The following PSPH variants were observed in gnomAD, a reference collection of about 807,000 sequenced individuals.
The protein encoded by PSPH is phosphoserine phosphatase, also known as L-3-phosphoserine phosphatase.
PSPH carries 16 observed loss-of-function variants against 23.4 expected under a neutral mutation model. The ratio of observed to expected loss-of-function variants is 0.68; its 90% CI spans 0.46 to 1.04. The LOEUF (loss-of-function observed/expected upper bound fraction) is 1.04, where lower values mean the gene tolerates loss of function less well. Among genes scored for constraint, PSPH ranks in the 50% least tolerant of loss-of-function variants. The pLI is 0.00. For synonymous variants in PSPH, 68 were observed against 99.7 expected (o/e 0.68, Z 1.89); for missense variants, 223 against 273.7 (o/e 0.81, Z 1.31).
intron 2 of PSPH, among the ~76,000 whole-genome samples, chr7:56,032,382 C>T (rs376007608): frequency 2.8e-4 from 42 of 152,058 alleles, no homozygotes; most frequent in African/African-American, 8.0e-4. Context: ...CAGACTTGGG[C>T]GGGCATGATG....
At chr7:56,019,246 TGTG>T (rs1289803044) in intron 5 of PSPH, among the ~76,000 whole-genome samples, 5 of 151,826 alleles carry the variant, frequency 3.3e-5, no homozygotes, top group African/African-American at 4.8e-5. Context: ...GTTCAAGCAG[TGTG>T]GTCAACATGG....
rs199851385 is a variant in PSPH at position 56,021,096 on chromosome 7, G to C, written c.117C>G (p.Gly39=). 2.0e-6 allele frequency: 3 copies of C among 1,531,364 alleles called. No individual in the cohort carries two copies. Among genetic ancestry groups the C allele is most frequent in the Non-Finnish European group, 2.6e-6 (3 of 1,135,618 alleles). The allele number at this position is 1,531,364 out of a possible 1,614,324, so 94.9% of individuals were successfully genotyped here. The change falls in exon 4 of 8, where the codon GGC becomes GGG. Residue 39 remains glycine, a synonymous_variant. Coordinates refer to ENST00000275605, the MANE Select transcript of PSPH (RefSeq NM_004577.4). ...EGIDELAKIC[G]VEDAVSEMTR... is the part of the protein sequence containing the mutation. ...ACATTTCTGACACCGCGTCCTCAAC[G>C]CCACAGATTTTGGCTAGCTCATCGA...
intron 7 of PSPH, among the ~76,000 whole-genome samples, chr7:56,013,025 T>C (rs542455187): frequency 2.1e-4 from 31 of 149,766 alleles, no homozygotes; most frequent in African/African-American, 7.3e-4. Flanking sequence ...TACACACATA[T>C]ACTATATATG....
intron 1 of PSPH, among the ~76,000 whole-genome samples, chr7:56,050,213 A>C (rs1163543725): frequency 6.6e-6 from 1 of 152,178 alleles, no homozygotes; most frequent in Non-Finnish European, 1.5e-5. Context: ...TATTCACTGC[A>C]GTCTGAATAG....
intron 6 of PSPH, among the ~76,000 whole-genome samples, chr7:56,016,495 C>G (rs1788581779): frequency 6.6e-6 from 1 of 151,520 alleles, no homozygotes; most frequent in Non-Finnish European, 1.5e-5. Context: ...CGCTATGGAC[C>G]AGAGAGGGGA....
At chr7:56,048,923 G>C (rs1793605326) in intron 1 of PSPH, among the ~76,000 whole-genome samples, 1 of 151,300 alleles carries the variant, frequency 6.6e-6, no homozygotes, top group Non-Finnish European at 1.5e-5. Context: ...TTTTTTGGTG[G>C]TTGTTTTTTT....
intron 3 of PSPH, among the ~76,000 whole-genome samples, chr7:56,030,583 T>C (rs1790842035): frequency 1.3e-5 from 2 of 151,910 alleles, no homozygotes; most frequent in Non-Finnish European, 1.5e-5. Context: ...ACTGGGTACA[T>C]GAGGATACAA....
intron 1 of PSPH, among the ~76,000 whole-genome samples, chr7:56,039,788 A>T (rs950961289): frequency 6.7e-5 from 10 of 150,042 alleles, no homozygotes; most frequent in African/African-American, 2.2e-4. Context: ...AAAAAAAAAA[A>T]AAAAATTAAA....
intron 3 of PSPH, among the ~76,000 whole-genome samples, chr7:56,030,629 T>C (rs1437178181): frequency 6.6e-6 from 1 of 152,046 alleles, no homozygotes; most frequent in Admixed American, 6.6e-5. Flanking sequence ...CCAGGTGCGG[T>C]GGCTCACAGC....
At chr7:56,028,162 A>G (rs994071573) in intron 3 of PSPH, among the ~76,000 whole-genome samples, 1 of 152,090 alleles carries the variant, frequency 6.6e-6, no homozygotes, top group African/African-American at 2.4e-5. Context: ...GGCCTGACTT[A>G]CAGCTCAGAA....
At position 56,017,242 on chromosome 7, in the gene PSPH, T is replaced by C; in HGVS notation, c.413A>G (p.Tyr138Cys). The C allele has an allele frequency of 6.2e-7, 1 of 1,613,828 alleles. No homozygotes were observed. The highest frequency in any genetic ancestry group is 2.2e-5 in the East Asian group (1 of 44,876). Residue 138 changes from tyrosine (Y) to cysteine (C), a missense_variant, in exon 6 of 8, where the codon TAC becomes TGC. Tyr to Cys is a radical substitution (Grantham distance 194). Coordinates refer to ENST00000275605, the MANE Select transcript of PSPH (RefSeq NM_004577.4). ...TACTGTTAACATCTTACCGTTAAAG[T>C]AGAATTTCAGCCTATTGGCAAATAC... ...TNVFANRLKF[Y>C]FNGEYAGFDE...
intron 5 of PSPH, among the ~76,000 whole-genome samples, chr7:56,018,288 G>C (rs957542934): frequency 1.3e-5 from 2 of 152,042 alleles, no homozygotes; most frequent in Non-Finnish European, 2.9e-5. Flanking sequence ...AGGTTGCAGT[G>C]AGCCGAGACT....
intron 1 of PSPH, among the ~76,000 whole-genome samples, chr7:56,040,905 T>A (rs1347102846): frequency 2.6e-5 from 4 of 151,944 alleles, no homozygotes; most frequent in Admixed American, 2.6e-4. Flanking sequence ...CAAGCCTCAA[T>A]CAAGCAGAAA....
intron 5 of PSPH, among the ~76,000 whole-genome samples, chr7:56,017,735 T>TTTTG (rs1788764603): frequency 6.7e-6 from 1 of 148,232 alleles, no homozygotes; most frequent in African/African-American, 2.5e-5. Flanking sequence ...TTTTTTTTTT[T>TTTTG]GAGATGGAGT....
chr7:56,024,931 G>T (rs1789981556), intron 3 of PSPH, among the ~76,000 whole-genome samples: 3 of 149,374 alleles, frequency 2.0e-5, no homozygotes, highest in Admixed American at 6.8e-5. Flanking sequence ...AGCCTCCCAA[G>T]TAGCTAGGAT....
chr7:56,038,930 G>C (rs1188146128), intron 1 of PSPH, among the ~76,000 whole-genome samples: 1 of 151,922 alleles, frequency 6.6e-6, no homozygotes, highest in African/African-American at 2.4e-5. Flanking sequence ...GATCACCTGA[G>C]GTCAGGAGTT....
At chr7:56,050,205 T>C (rs1793830260) in intron 1 of PSPH, among the ~76,000 whole-genome samples, 1 of 152,160 alleles carries the variant, frequency 6.6e-6, no homozygotes, top group Admixed American at 6.6e-5. Context: ...TACCCAGATA[T>C]TCACTGCAGT....
chr7:56,041,976 A>C (rs986954507), intron 1 of PSPH, among the ~76,000 whole-genome samples: 1 of 151,804 alleles, frequency 6.6e-6, no homozygotes. Flanking sequence ...TAATCCCAGC[A>C]CTTTGGGTGG....
Position 56,017,825 on chromosome 7 carries a change from C to T in PSPH, c.276-446G>A, listed in dbSNP as rs567822556. On this transcript the variant is annotated intron_variant, in intron 5 of 7. Transcript: ENST00000275605. Reference sequence around the variant, plus strand: ...GCAACCTCCTCCTACAGGGTTCAAGCGATTCTCTTGTGTCAGCCTCCCGAG... The same window carrying T: ...GCAACCTCCTCCTACAGGGTTCAAGTGATTCTCTTGTGTCAGCCTCCCGAG... Among the ~76,000 whole-genome samples the T allele has an allele frequency of 6.0e-5, 9 of 150,674 alleles. No individual in the cohort carries two copies. The East Asian group carries it at 1.4e-3, about 24-fold the overall frequency.
Sources: gnomAD v4.1 joint callset for allele counts (sites outside exome capture counted in the v4.1 genomes callset) on GRCh38, gnomAD v4.1.1 for gene constraint, MANE v1.5 for transcripts, NCBI Gene and HGNC (gene_info 2026-07-23, HGNC 2026-07-21) for gene names.